PRKN: variants seen among roughly 807,000 people sequenced by gnomAD.
PRKN encodes parkin RBR E3 ubiquitin protein ligase.
In PRKN, 56 loss-of-function variants were observed where a neutral mutation model predicts 59.5. The ratio of observed to expected loss-of-function variants is 0.94; its 90% CI spans 0.76 to 1.18. The LOEUF (loss-of-function observed/expected upper bound fraction) is 1.18, where lower values mean the gene tolerates loss of function less well. PRKN is among the 50% of genes most tolerant of loss of function. The pLI is 0.00. For synonymous variants in PRKN, 250 were observed against 222.1 expected, an observed-to-expected ratio of 1.13 and a Z score of -1.12; for missense variants, 657 against 596.4, an observed-to-expected ratio of 1.10 and a Z score of -1.06.
At chr6:162,095,147 T>C (rs1779673472) in intron 4 of PRKN, among the ~76,000 whole-genome samples, 1 of 152,210 alleles carries the variant, frequency 6.6e-6, no homozygotes, top group Non-Finnish European at 1.5e-5. Context: ...TTAGAATTAC[T>C]ACAAGTGAAT....
At chr6:162,645,525 G>C (rs979923696) in intron 1 of PRKN, among the ~76,000 whole-genome samples, 2 of 151,888 alleles carry the variant, frequency 1.3e-5, no homozygotes, top group African/African-American at 2.4e-5. Flanking sequence ...ACAAAGTCAG[G>C]GATTCCTTAA....
rs867761269 is a variant in PRKN at position 161,621,006 on chromosome 6, C to T, written c.872-51590G>A. 3.9e-5 allele frequency among the ~76,000 whole-genome samples: 6 copies of T among 152,090 alleles called. 1 individual carries two copies. In the South Asian group the frequency reaches 8.3e-4, roughly 21 times the overall value. ...ATTCTGGCAAGGTGCCTCCTGTCCA[C>T]CTTTATGTTCGGTGCTTCAAGGGCT... On this transcript the variant is annotated intron_variant, in intron 7 of 11. Transcript: ENST00000366898.
intron 6 of PRKN, among the ~76,000 whole-genome samples, chr6:161,852,683 G>C (rs1418513760): frequency 6.6e-6 from 1 of 152,112 alleles, no homozygotes; most frequent in African/African-American, 2.4e-5. Flanking sequence ...GAGCTTTTTT[G>C]AAGAAACATT....
rs981978452 is a variant in PRKN at position 161,353,985 on chromosome 6, A to C, written c.1286-3774T>G. On this transcript the variant is annotated intron_variant, in intron 11 of 11. Transcript: ENST00000366898. This position sits in a 1 kb window ranked among gnomAD's most constrained non-coding sequence, Gnocchi z 4.8. ...TTGTTATTGAATGAGAGAATAGAAGAAGCATGTTGTTTGTTCTACACTTAG... is the reference window on the plus strand; with the variant it reads ...TTGTTATTGAATGAGAGAATAGAAGCAGCATGTTGTTTGTTCTACACTTAG... Among the ~76,000 whole-genome samples, 1 of 152,176 alleles carries C rather than the reference A, an allele frequency of 6.6e-6. No individual in the cohort carries two copies. Among genetic ancestry groups the C allele is most frequent in the African/African-American group, 2.4e-5 (1 of 41,444 alleles).
intron 7 of PRKN, among the ~76,000 whole-genome samples, chr6:161,730,939 C>CT (rs1787680711): frequency 6.6e-6 from 1 of 152,130 alleles, no homozygotes; most frequent in South Asian, 2.1e-4. Flanking sequence ...GTGTTGCATT[C>CT]TTTCTGATGT....
At chr6:162,579,414 A>T (rs2128210787) in intron 1 of PRKN, among the ~76,000 whole-genome samples, 1 of 148,854 alleles carries the variant, frequency 6.7e-6, no homozygotes, top group East Asian at 1.9e-4. Flanking sequence ...CAACAAGTTC[A>T]TGCACACACA....
At chr6:162,021,617 C>G (rs1047060774) in intron 5 of PRKN, among the ~76,000 whole-genome samples, 3 of 151,988 alleles carry the variant, frequency 2.0e-5, no homozygotes, top group African/African-American at 4.8e-5. Context: ...TATTACTGTG[C>G]GTACAAATCA....
At chr6:161,455,038 A>G (rs1398965419) in intron 9 of PRKN, among the ~76,000 whole-genome samples, 2 of 147,744 alleles carry the variant, frequency 1.4e-5, no homozygotes, top group African/African-American at 4.9e-5. Flanking sequence ...TTAATTTGAC[A>G]CGTGTTTTTT....
Position 161,460,469 on chromosome 6 carries a change from T to A in PRKN, c.1084-73592A>T, listed in dbSNP as rs1009866434. Among the ~76,000 whole-genome samples the A allele has an allele frequency of 2.4e-4, 36 of 152,090 alleles. No individual in the cohort carries two copies. The highest frequency in any genetic ancestry group is 4.1e-4 in the Non-Finnish European group (28 of 68,026). ...GAAGGACACAGGACAAGAAGCAGCATATCAGCAGGAAGGGCCAGGGGACAC... is the reference window on the plus strand; with the variant it reads ...GAAGGACACAGGACAAGAAGCAGCAAATCAGCAGGAAGGGCCAGGGGACAC... On this transcript the variant is annotated intron_variant, in intron 9 of 11. Transcript: ENST00000366898. The surrounding 1 kb of genome is among the most constrained non-coding windows in gnomAD (Gnocchi z 5.0).
At chr6:161,744,492 T>C (rs937508180) in intron 7 of PRKN, among the ~76,000 whole-genome samples, 4 of 152,178 alleles carry the variant, frequency 2.6e-5, no homozygotes, top group African/African-American at 9.7e-5. Flanking sequence ...CAACAGGCCA[T>C]GAACCAGCAC....
At chr6:162,657,949 T>C (rs754760737) in intron 1 of PRKN, among the ~76,000 whole-genome samples, 3 of 152,156 alleles carry the variant, frequency 2.0e-5, no homozygotes, top group Non-Finnish European at 2.9e-5. Flanking sequence ...GAAGATGACA[T>C]AGGTATTTTA....
At chr6:161,785,219 C>G (rs760777605) in intron 7 of PRKN, among the ~76,000 whole-genome samples, 39 of 152,218 alleles carry the variant, frequency 2.6e-4, no homozygotes, top group Middle Eastern at 6.8e-3. Context: ...GAATTGTACA[C>G]TTGTAAATGG....
chr6:161,851,208 ATTTCTC>A (rs894307095), intron 6 of PRKN, among the ~76,000 whole-genome samples: 6 of 151,930 alleles, frequency 3.9e-5, no homozygotes, highest in South Asian at 2.1e-4. Flanking sequence ...CATTTGGCCC[ATTTCTC>A]TTTCTCTTTC....
intron 2 of PRKN, among the ~76,000 whole-genome samples, chr6:162,353,281 G>A (rs927206131): frequency 6.6e-6 from 1 of 151,310 alleles, no homozygotes; most frequent in African/African-American, 2.4e-5. Context: ...ACGGTTAGCA[G>A]AAAATACATA....
chr6:161,412,278 T>C lies in PRKN; in HGVS notation c.1084-25401A>G, dbSNP rs1421436682. ...TTCCTCCTCTCACTTATTCCTTCAC[T>C]CACTCATTCCTCCACTCATTCCTCT... On this transcript the variant is annotated intron_variant, in intron 9 of 11. Coordinates refer to ENST00000366898, the MANE Select transcript of PRKN (RefSeq NM_004562.3). 3.5e-5 allele frequency among the ~76,000 whole-genome samples: 5 copies of C among 143,782 alleles called. No homozygotes were observed. The Admixed American group carries it at 3.5e-4, about 10-fold the overall frequency. The allele number at this position is 143,782 out of a possible 152,430, so 94.3% of individuals were successfully genotyped here.
chr6:162,165,266 G>C (rs1276912025), intron 4 of PRKN, among the ~76,000 whole-genome samples: 1 of 148,822 alleles, frequency 6.7e-6, no homozygotes, highest in Non-Finnish European at 1.5e-5. Flanking sequence ...GTTGGGATTA[G>C]GCAAAGGTTT....
intron 1 of PRKN, among the ~76,000 whole-genome samples, chr6:162,701,908 A>G (rs1382715719): frequency 6.6e-6 from 1 of 151,716 alleles, no homozygotes; most frequent in Non-Finnish European, 1.5e-5. Flanking sequence ...AATGAAACCA[A>G]CAGAAGCTCA....
intron 2 of PRKN, among the ~76,000 whole-genome samples, chr6:162,314,228 T>C (rs1445106009): frequency 1.3e-5 from 2 of 152,146 alleles, no homozygotes; most frequent in Admixed American, 1.3e-4. Context: ...TTAGAGAATG[T>C]CTTACAAGGT....
rs1051464092 is a variant in PRKN at position 161,353,908 on chromosome 6, C to T, written c.1286-3697G>A. Among the ~76,000 whole-genome samples, 34 of 152,128 alleles carry T rather than the reference C, an allele frequency of 2.2e-4. No homozygotes were observed. The highest frequency in any genetic ancestry group is 2.8e-4 in the Non-Finnish European group (19 of 68,024). ...TGCAGAACTGATTGCTTGCTTGGTG[C>T]GTGGGGAAAAACCCCCGCACATTCC... On this transcript the variant is annotated intron_variant, in intron 11 of 11. Coordinates refer to ENST00000366898, the MANE Select transcript of PRKN (RefSeq NM_004562.3). This position sits in a 1 kb window ranked among gnomAD's most constrained non-coding sequence, Gnocchi z 4.8.
Sources: gnomAD v4.1 joint callset for allele counts (sites outside exome capture counted in the v4.1 genomes callset) on GRCh38, gnomAD v4.1.1 for gene constraint, Gnocchi (gnomAD v3.1) non-coding constraint, MANE v1.5 for transcripts, NCBI Gene and HGNC (gene_info 2026-07-23, HGNC 2026-07-21) for gene names.